CCDC73: variants seen among roughly 807,000 people sequenced by gnomAD.
CCDC73 encodes coiled-coil domain-containing protein 73.
In CCDC73, 95 loss-of-function variants were observed where a neutral mutation model predicts 116.5. The observed-to-expected ratio is 0.82, with a 90% CI of 0.69 to 0.97. The LOEUF is 0.97. Ranked by LOEUF, CCDC73 falls within the 50% of genes least tolerant of loss-of-function variation. The pLI is 0.00. For synonymous variants in CCDC73, 398 were observed against 401.3 expected (o/e 0.99, Z 0.10); for missense variants, 1,066 against 1,206.8 (o/e 0.88, Z 1.73).
chr11:32,775,409 C>A (rs186851907), intron 1 of CCDC73, among the ~76,000 whole-genome samples: 7 of 152,284 alleles, frequency 4.6e-5, no homozygotes, highest in Admixed American at 4.6e-4. Flanking sequence ...CCTAATCACT[C>A]TTTAGCATAT....
chr11:32,692,332 T>C (rs1590597200), intron 6 of CCDC73, among the ~76,000 whole-genome samples: 1 of 152,198 alleles, frequency 6.6e-6, no homozygotes, highest in East Asian at 1.9e-4. Context: ...ACTATAAAAT[T>C]ACCCAAATAT....
chr11:32,606,676 T>C (rs1325623762), intron 17 of CCDC73, among the ~76,000 whole-genome samples: 1 of 152,138 alleles, frequency 6.6e-6, no homozygotes, highest in East Asian at 1.9e-4. Flanking sequence ...AGCCACAATA[T>C]CTAGCCTAGG....
intron 9 of CCDC73, among the ~76,000 whole-genome samples, chr11:32,659,049 T>A (rs1257566387): frequency 6.6e-6 from 1 of 152,198 alleles, no homozygotes; most frequent in Non-Finnish European, 1.5e-5. Context: ...TACAAATTAT[T>A]AAGCCTGAAC....
chr11:32,698,011 A>ATTTTT (rs869153507), intron 6 of CCDC73, among the ~76,000 whole-genome samples: 15 of 18,892 alleles, frequency 7.9e-4, no homozygotes, highest in African/African-American at 2.0e-3. Context: ...CTAACACTGA[A>ATTTTT]TTTTTTTTTT....
At chr11:32,703,444 T>A (rs1849829761) in intron 3 of CCDC73, among the ~76,000 whole-genome samples, 1 of 151,974 alleles carries the variant, frequency 6.6e-6, no homozygotes, top group East Asian at 1.9e-4. Flanking sequence ...TTGCTTCCTG[T>A]TGCTTTTTTC....
intron 2 of CCDC73, among the ~76,000 whole-genome samples, chr11:32,735,357 G>A (rs1213083173): frequency 1.3e-5 from 2 of 152,198 alleles, no homozygotes; most frequent in African/African-American, 4.8e-5. Context: ...AAAATCACAA[G>A]CATTCTTATA....
intron 1 of CCDC73, among the ~76,000 whole-genome samples, chr11:32,772,898 T>G (rs1215583660): frequency 6.6e-6 from 1 of 152,136 alleles, no homozygotes; most frequent in Non-Finnish European, 1.5e-5. Flanking sequence ...AGGTAGTTCC[T>G]CAAAAGGTTA....
chr11:32,774,611 T>C (rs544137809), intron 1 of CCDC73, among the ~76,000 whole-genome samples: 1 of 151,668 alleles, frequency 6.6e-6, no homozygotes, highest in Admixed American at 6.6e-5. Context: ...AAAGCAAATA[T>C]AAGAAAAGGA....
intron 2 of CCDC73, among the ~76,000 whole-genome samples, chr11:32,741,531 AAT>A (rs1336853698): frequency 1.3e-5 from 2 of 151,946 alleles, no homozygotes; most frequent in Non-Finnish European, 2.9e-5. Flanking sequence ...ATTTGCATGG[AAT>A]ATCTTTTTCA....
intron 13 of CCDC73, among the ~76,000 whole-genome samples, chr11:32,638,887 C>T (rs1855705439): frequency 6.6e-6 from 1 of 151,860 alleles, no homozygotes; most frequent in South Asian, 2.1e-4. Flanking sequence ...GTGGCTCACG[C>T]CTGTAATCCT....
At chr11:32,829,142 A>G in the CCDC73 span, among the ~76,000 whole-genome samples, 4 of 152,226 alleles carry the variant, frequency 2.6e-5, no homozygotes, top group African/African-American at 9.6e-5. Flanking sequence ...GTTCACAAGT[A>G]CTGAGAACAA....
chr11:32,615,053 T>C (rs1249605567), intron 15 of CCDC73, 111 bp from the exon 16 acceptor site: 2 of 624,274 alleles, frequency 3.2e-6, no homozygotes, highest in African/African-American at 3.7e-5. Flanking sequence ...AAATATTTTA[T>C]GGGTCAATAA....
intron 2 of CCDC73, among the ~76,000 whole-genome samples, chr11:32,739,323 T>G (rs1850163224): frequency 6.6e-6 from 1 of 152,170 alleles, no homozygotes; most frequent in African/African-American, 2.4e-5. Flanking sequence ...TTCCAAACCA[T>G]GAACATGGAA....
intron 9 of CCDC73, among the ~76,000 whole-genome samples, chr11:32,664,568 T>C (rs1010420493): frequency 6.6e-6 from 1 of 152,164 alleles, no homozygotes; most frequent in Non-Finnish European, 1.5e-5. Flanking sequence ...GATTCTTCTC[T>C]TTTCTTTTTT....
intron 12 of CCDC73, among the ~76,000 whole-genome samples, chr11:32,643,444 T>A (rs1249452146): frequency 6.6e-6 from 1 of 152,114 alleles, no homozygotes; most frequent in African/African-American, 2.4e-5. Flanking sequence ...TGTATGAACA[T>A]CATAGAGTGT....
At position 32,786,981 on chromosome 11, in the gene CCDC73, G is replaced by A. The variant is rs534892288; in HGVS notation, c.-16+7632C>T. On this transcript the variant is annotated intron_variant, in intron 1 of 17. Transcript: ENST00000335185. The stretch of plus-strand genomic sequence containing the variant: ...CCATGCTGTTATCAATCATGTACAG[G>A]GATAAATGAGCCTGTAAGATTTTGC... 3.9e-5 allele frequency among the ~76,000 whole-genome samples: 6 copies of A among 152,208 alleles called. No homozygotes were observed. In the South Asian group the frequency reaches 1.2e-3, roughly 32 times the overall value.
chr11:32,762,467 C>G (rs1465808144), intron 1 of CCDC73, among the ~76,000 whole-genome samples: 2 of 152,072 alleles, frequency 1.3e-5, no homozygotes, highest in African/African-American at 4.8e-5. Flanking sequence ...TAGGGCTTAC[C>G]AAAGTCTAAT....
chr11:32,715,902 T>C (rs1245513610), intron 3 of CCDC73, among the ~76,000 whole-genome samples: 1 of 152,180 alleles, frequency 6.6e-6, no homozygotes, highest in Non-Finnish European at 1.5e-5. Context: ...TTCAAGAGCT[T>C]CAATGTTGCC....
chr11:32,830,140 C>G, the CCDC73 span: 43 of 1,005,344 alleles, frequency 4.3e-5, no homozygotes, highest in Middle Eastern at 4.9e-4. Flanking sequence ...GCCTCTGGCC[C>G]GGGGGCTGCT....
Sources: gnomAD v4.1 joint callset for allele counts (sites outside exome capture counted in the v4.1 genomes callset) on GRCh38, gnomAD v4.1.1 for gene constraint, MANE v1.5 for transcripts, NCBI Gene and HGNC (gene_info 2026-07-23, HGNC 2026-07-21) for gene names.